Variants in PCDH9 observed in about 807,000 individuals in gnomAD.
The protein encoded by PCDH9 is protocadherin-9.
Under a neutral mutation model 70.6 loss-of-function variants are expected in PCDH9, and 24 were observed. That is an observed-to-expected ratio of 0.34 (90% confidence interval 0.25 to 0.48). The LOEUF (loss-of-function observed/expected upper bound fraction) is 0.48. Among genes scored for constraint, PCDH9 ranks in the 20% least tolerant of loss-of-function variants. The probability of loss-of-function intolerance (pLI) is 0.99; values close to 1 mark genes in which losing one functional copy is unlikely to be tolerated. For synonymous variants in PCDH9, 562 were observed against 558.5 expected (o/e 1.01, Z -0.09); for missense variants, 1,281 against 1,503.6 (o/e 0.85, Z 2.45).
intron 4 of PCDH9, among the ~76,000 whole-genome samples, chr13:66,618,391 T>C (rs1345727816): frequency 6.6e-6 from 1 of 152,210 alleles, no homozygotes; most frequent in African/African-American, 2.4e-5. Flanking sequence ...AAATACATGT[T>C]AAAATAGCAT....
At chr13:66,581,779 A>G (rs2076895379) in intron 4 of PCDH9, among the ~76,000 whole-genome samples, 1 of 152,208 alleles carries the variant, frequency 6.6e-6, no homozygotes, top group Middle Eastern at 3.4e-3. Flanking sequence ...TTCTTTCTTC[A>G]GTTTCTTTGT....
chr13:67,220,739 T>C (rs1035053765), intron 2 of PCDH9: 1 of 152,086 alleles, frequency 6.6e-6, no homozygotes, highest in African/African-American at 2.4e-5. Flanking sequence ...TATACTATTT[T>C]CTCTACGTTA....
chr13:67,130,954 G>T (rs1012149894), intron 2 of PCDH9, among the ~76,000 whole-genome samples: 2 of 152,016 alleles, frequency 1.3e-5, no homozygotes, highest in African/African-American at 4.8e-5. Context: ...ATCCTAACAG[G>T]TGTACTGCTT....
intron 4 of PCDH9, among the ~76,000 whole-genome samples, chr13:66,454,383 A>C (rs956976559): frequency 4.6e-5 from 7 of 152,170 alleles, no homozygotes; most frequent in Admixed American, 2.6e-4. Context: ...ACATACAATT[A>C]TATGACATTA....
chr13:66,822,156 A>ACACT, intron 3 of PCDH9, among the ~76,000 whole-genome samples: 1 of 151,556 alleles, frequency 6.6e-6, no homozygotes, highest in African/African-American at 2.4e-5. Context: ...ACACACACAC[A>ACACT]CACTCATATA....
At chr13:66,708,467 A>G (rs1167323188) in intron 3 of PCDH9, among the ~76,000 whole-genome samples, 1 of 144,952 alleles carries the variant, frequency 6.9e-6, no homozygotes, top group African/African-American at 2.6e-5. Context: ...CTGAAATTCT[A>G]GGGGATACTC....
intron 2 of PCDH9, among the ~76,000 whole-genome samples, chr13:67,180,848 T>C (rs1194251883): frequency 1.3e-5 from 2 of 152,190 alleles, no homozygotes; most frequent in Non-Finnish European, 2.9e-5. Flanking sequence ...CATTTCTCAC[T>C]GATAAGCAGA....
intron 3 of PCDH9, among the ~76,000 whole-genome samples, chr13:66,849,809 C>T (rs960469482): frequency 5.9e-5 from 9 of 151,982 alleles, no homozygotes; most frequent in Admixed American, 2.6e-4. Flanking sequence ...TTTTATCACC[C>T]GTAAGTCTTC....
At chr13:66,765,012 G>C (rs2079690122) in intron 3 of PCDH9, among the ~76,000 whole-genome samples, 1 of 151,266 alleles carries the variant, frequency 6.6e-6, no homozygotes, top group Non-Finnish European at 1.5e-5. Context: ...CTCTCTCTCT[G>C]TCTCTTTCTC....
At chr13:67,144,703 A>C (rs140833829) in intron 2 of PCDH9, among the ~76,000 whole-genome samples, 144 of 152,246 alleles carry the variant, frequency 9.5e-4, no homozygotes, top group Middle Eastern at 3.4e-3. Context: ...CAATGTTCTT[A>C]ATAATTTATT....
intron 4 of PCDH9, among the ~76,000 whole-genome samples, chr13:66,412,471 A>G (rs1017366577): frequency 2.6e-5 from 4 of 152,198 alleles, no homozygotes; most frequent in African/African-American, 9.6e-5. Context: ...TCTAGAACAC[A>G]TCATTCTTTG....
chr13:66,311,327 C>A (rs1955555779), intron 4 of PCDH9, among the ~76,000 whole-genome samples: 1 of 149,190 alleles, frequency 6.7e-6, no homozygotes, highest in Non-Finnish European at 1.5e-5. Context: ...TCATTTTATC[C>A]CTCAATTTTT....
intron 4 of PCDH9, among the ~76,000 whole-genome samples, chr13:66,594,327 T>A (rs1299164694): frequency 2.0e-5 from 3 of 151,576 alleles, no homozygotes; most frequent in African/African-American, 7.3e-5. Flanking sequence ...GATGGAAAAT[T>A]TCTGTGAAAG....
At chr13:66,308,160 T>C (rs1955501561) in intron 4 of PCDH9, among the ~76,000 whole-genome samples, 2 of 152,094 alleles carry the variant, frequency 1.3e-5, no homozygotes, top group African/African-American at 4.8e-5. Flanking sequence ...AACGTTTTTC[T>C]CTTTATAACT....
intron 3 of PCDH9, among the ~76,000 whole-genome samples, chr13:66,666,024 A>G (rs1247892764): frequency 6.6e-6 from 1 of 152,204 alleles, no homozygotes; most frequent in Non-Finnish European, 1.5e-5. Flanking sequence ...ATACAGCTGA[A>G]TTAGAGGCCT....
chr13:66,596,196 A>G (rs985057072), intron 4 of PCDH9, among the ~76,000 whole-genome samples: 10 of 151,742 alleles, frequency 6.6e-5, no homozygotes, highest in South Asian at 6.2e-4. Flanking sequence ...ATTTTATTTC[A>G]TGCACAACAA....
In PCDH9 at chr13:66,733,677, C is replaced by CTTT. The variant is rs11366736; in HGVS notation, c.3139-102269_3139-102267dup. 6.1e-3 allele frequency among the ~76,000 whole-genome samples: 902 copies of CTTT among 147,220 alleles called. 9 individuals are homozygous for CTTT. In the East Asian group the frequency reaches 0.075, roughly 12 times the overall value. On this transcript the variant is annotated intron_variant, in intron 3 of 4. Coordinates refer to ENST00000377865, the MANE Select transcript of PCDH9 (RefSeq NM_203487.3). ...ATATAGAAAAATGTATAAAGGTAGG[C>CTTT]TTTTTTTTTTTTTACGACATTAACA... is the stretch of plus-strand genomic sequence containing the variant.
chr13:66,394,953 T>G (rs1957077639), intron 4 of PCDH9, among the ~76,000 whole-genome samples: 3 of 152,212 alleles, frequency 2.0e-5, no homozygotes, highest in Admixed American at 1.3e-4. Flanking sequence ...ATATATATTT[T>G]AAGTAATTCT....
chr13:66,682,148 T>C (rs1212684300), intron 3 of PCDH9, among the ~76,000 whole-genome samples: 2 of 151,874 alleles, frequency 1.3e-5, no homozygotes, highest in South Asian at 4.2e-4. Context: ...ATCTCACTAT[T>C]GAATCTTTTT....
Sources: gnomAD v4.1 joint callset for allele counts (sites outside exome capture counted in the v4.1 genomes callset) on GRCh38, gnomAD v4.1.1 for gene constraint, MANE v1.5 for transcripts, NCBI Gene and HGNC (gene_info 2026-07-23, HGNC 2026-07-21) for gene names.